Variants in CCNJL observed in about 807,000 individuals in gnomAD.
The protein encoded by CCNJL is cyclin-J-like protein.
A neutral mutation model predicts 33.4 loss-of-function variants in CCNJL; 33 were observed. The observed-to-expected ratio is 0.99, with a 90% CI of 0.75 to 1.32. The LOEUF (loss-of-function observed/expected upper bound fraction) is 1.32, where lower values mean the gene tolerates loss of function less well. CCNJL is among the 40% of genes most tolerant of loss of function. The pLI is 0.00. For synonymous variants in CCNJL, 227 were observed against 220.9 expected (o/e 1.03, Z -0.24); for missense variants, 512 against 499.7 (o/e 1.02, Z -0.23).
intron 2 of CCNJL, among the ~76,000 whole-genome samples, chr5:160,300,553 C>T (rs563332945): frequency 7.6e-4 from 115 of 152,228 alleles, no homozygotes; most frequent in African/African-American, 2.6e-3. Context: ...CTTTTTTTAG[C>T]TCATCAATTA....
chr5:160,307,647 C>T (rs1371400743), intron 2 of CCNJL, among the ~76,000 whole-genome samples: 1 of 152,150 alleles, frequency 6.6e-6, no homozygotes, highest in African/African-American at 2.4e-5. Context: ...ATCTACTCCT[C>T]CTTTTGGTTC....
At chr5:160,283,002 T>TATATAC (rs1762285188) in intron 2 of CCNJL, among the ~76,000 whole-genome samples, 1 of 56,272 alleles carries the variant, frequency 1.8e-5, no homozygotes, top group South Asian at 7.7e-4. Flanking sequence ...TATATATATA[T>TATATAC]ATATATACAT....
intron 1 of CCNJL, among the ~76,000 whole-genome samples, chr5:160,328,248 A>T (rs1298302999): frequency 6.6e-6 from 1 of 152,232 alleles, no homozygotes; most frequent in Non-Finnish European, 1.5e-5. Context: ...AGTCATGGGA[A>T]GATTTTAAAC....
chr5:160,302,783 G>A (rs192938718), intron 2 of CCNJL, among the ~76,000 whole-genome samples: 3 of 151,508 alleles, frequency 2.0e-5, no homozygotes, highest in African/African-American at 7.3e-5. Flanking sequence ...CTGCACTTCA[G>A]CCTGGACAAC....
chr5:160,272,978 CA>C (rs1761890142), intron 3 of CCNJL, among the ~76,000 whole-genome samples: 1 of 152,170 alleles, frequency 6.6e-6, no homozygotes, highest in Admixed American at 6.5e-5. Flanking sequence ...GTTTATAAAA[CA>C]AAGGACTTTG....
At chr5:160,295,597 A>G (rs1176176983) in intron 2 of CCNJL, among the ~76,000 whole-genome samples, 1 of 152,204 alleles carries the variant, frequency 6.6e-6, no homozygotes, top group African/African-American at 2.4e-5. Context: ...TCTTATAGGA[A>G]GAGTAAACAG....
At chr5:160,312,859 C>T (rs1001140800), upstream of CCNJL, 1 of 152,194 alleles carries the variant, frequency 6.6e-6, no homozygotes, top group African/African-American at 2.4e-5. Flanking sequence ...AGGACGCCCC[C>T]AGAAAGTTCT....
intron 4 of CCNJL, among the ~76,000 whole-genome samples, chr5:160,256,721 G>C (rs1488031201): frequency 7.9e-5 from 12 of 151,696 alleles, no homozygotes; most frequent in Admixed American, 7.9e-4. Context: ...TTCGAGACCA[G>C]CCTGGCCAAC....
chr5:160,279,684 T>C (rs1012981007), intron 3 of CCNJL, among the ~76,000 whole-genome samples: 1 of 151,962 alleles, frequency 6.6e-6, no homozygotes, highest in African/African-American at 2.4e-5. Flanking sequence ...GGAGAAGCAA[T>C]CCAGGTAGAG....
chr5:160,255,445 A>T, intron 5 of CCNJL, 104 bp downstream of exon 5: 1 of 1,046,780 alleles, frequency 9.6e-7, no homozygotes, highest in Non-Finnish European at 1.4e-6. Flanking sequence ...TGGAAGAACC[A>T]CCACAAGTTC....
chr5:160,279,563 G>A (rs1300977558), intron 3 of CCNJL, among the ~76,000 whole-genome samples: 1 of 152,168 alleles, frequency 6.6e-6, no homozygotes, highest in Non-Finnish European at 1.5e-5. Flanking sequence ...TGACGCTGAG[G>A]GTCTGCATAC....
chr5:160,252,508 A>C lies in CCNJL; in HGVS notation c.*870T>G, dbSNP rs1012777621. On this transcript the variant is annotated 3_prime_UTR_variant, in exon 6 of 6. Coordinates refer to ENST00000257536, the MANE Select transcript of CCNJL (RefSeq NM_001308173.3). Reference sequence around the variant, plus strand: ...GTTCTAGTGGTGAACACAGCCTCCAAGACGTGGAATCTTCCGGAACCGAGA... The same window carrying C: ...GTTCTAGTGGTGAACACAGCCTCCACGACGTGGAATCTTCCGGAACCGAGA... The C allele has an allele frequency of 6.6e-6, 1 of 152,386 alleles. No individual in the cohort carries two copies. The highest frequency in any genetic ancestry group is 2.4e-5 in the African/African-American group (1 of 41,426). 9.4% of individuals were successfully genotyped at this position (152,386 alleles called of 1,614,324 possible).
chr5:160,293,570 C>T (rs571446284), intron 2 of CCNJL, among the ~76,000 whole-genome samples: 3 of 152,136 alleles, frequency 2.0e-5, no homozygotes, highest in Non-Finnish European at 2.9e-5. Context: ...TGTCGGCATG[C>T]GCATGTCCGG....
rs1396804866 is a variant in CCNJL at position 160,251,266 on chromosome 5, G to C, written c.*2112C>G. On this transcript the variant is annotated 3_prime_UTR_variant, in exon 6 of 6. Coordinates refer to ENST00000257536, the MANE Select transcript of CCNJL (RefSeq NM_001308173.3). ...GCCTGAGTTTCCAGCCTGTGGGCCT[G>C]CCCTACAGATTTTGAACTCTACTGC... The C allele has an allele frequency of 6.6e-6, 1 of 152,208 alleles. No individual in the cohort carries two copies. Among genetic ancestry groups the C allele is most frequent in the African/African-American group, 2.4e-5 (1 of 41,440 alleles). The allele number at this position is 152,208 out of a possible 1,614,324, so 9.4% of individuals were successfully genotyped here. A position where few individuals can be genotyped will look rare whatever the true frequency, so the allele number is the denominator to read the frequency against.
chr5:160,295,207 T>G (rs965511590), intron 2 of CCNJL, among the ~76,000 whole-genome samples: 1 of 152,210 alleles, frequency 6.6e-6, no homozygotes, highest in Non-Finnish European at 1.5e-5. Context: ...TTGAAAATAG[T>G]CAGCCGGGCA....
chr5:160,295,363 C>G (rs187556198), intron 2 of CCNJL, among the ~76,000 whole-genome samples: 11 of 152,286 alleles, frequency 7.2e-5, no homozygotes, highest in Non-Finnish European at 1.5e-5. Context: ...GTGGTGCACA[C>G]CCGTAGTCCC....
chr5:160,330,766 C>A (rs1442906487), intron 1 of CCNJL, among the ~76,000 whole-genome samples: 1 of 151,964 alleles, frequency 6.6e-6, no homozygotes, highest in Non-Finnish European at 1.5e-5. Context: ...TGGGTTCAAG[C>A]AGTTCTCCTG....
At chr5:160,273,642 CT>C (rs56869675) in intron 3 of CCNJL, among the ~76,000 whole-genome samples, 146 of 97,732 alleles carry the variant, frequency 1.5e-3, no homozygotes, top group East Asian at 4.2e-3. Flanking sequence ...AGTGCCGCCA[CT>C]TTTTTTTTTT....
chr5:160,297,289 C>T lies in CCNJL; in HGVS notation c.66+14569G>A, dbSNP rs143557525. Among the ~76,000 whole-genome samples, 303 of 152,266 alleles carry T rather than the reference C, an allele frequency of 2.0e-3. 4 individuals are homozygous for T. The highest frequency in any genetic ancestry group is 6.9e-3 in the African/African-American group (285 of 41,554). ...GACCACTGGATAAAGAGGCTGCTTT[C>T]GCAGGCACTGTGTGACAACCAAGCC... On this transcript the variant is annotated intron_variant, in intron 2 of 5. Transcript: ENST00000257536.
Sources: allele counts gnomAD v4.1 joint callset (sites outside exome capture counted in the v4.1 genomes callset), GRCh38; gene constraint gnomAD v4.1.1; transcripts MANE v1.5; gene names NCBI Gene and HGNC (gene_info 2026-07-23, HGNC 2026-07-21).